Variants in SYNGR1 observed in about 807,000 individuals in gnomAD.
The protein encoded by SYNGR1 is synaptogyrin-1.
Under a neutral mutation model 26.1 loss-of-function variants are expected in SYNGR1, and 14 were observed. That is an observed-to-expected ratio of 0.54 (90% confidence interval 0.35 to 0.84). SYNGR1 has a LOEUF of 0.84. Among genes scored for constraint, SYNGR1 ranks in the 40% least tolerant of loss-of-function variants. The pLI, the probability that SYNGR1 is intolerant of heterozygous loss-of-function variation, is 0.01. For missense variants in SYNGR1, 319 were observed against 332.9 expected, an observed-to-expected ratio of 0.96 and a Z score of 0.33; for synonymous variants, 141 against 150.1, an observed-to-expected ratio of 0.94 and a Z score of 0.44.
At chr22:39,355,328 G>A (rs937172869) in intron 1 of SYNGR1, among the ~76,000 whole-genome samples, 5 of 152,238 alleles carry the variant, frequency 3.3e-5, no homozygotes, top group African/African-American at 1.2e-4. Flanking sequence ...CGTCCAGCCT[G>A]TCCTCTCCCA....
At chr22:39,369,077 C>G (rs1332889072) in intron 1 of SYNGR1, among the ~76,000 whole-genome samples, 1 of 152,200 alleles carries the variant, frequency 6.6e-6, no homozygotes, top group Non-Finnish European at 1.5e-5. Context: ...ATTGGCGGGT[C>G]TGTATGATTC....
Position 39,374,511 on chromosome 22 carries a change from A to G in SYNGR1, c.295A>G (p.Lys99Glu), listed in dbSNP as rs1258143310. ...GTACTTCCCGCAGATCAGCAGCGTC[A>G]AGGACCGCAAGAAAGCCGTCCTGTC... Reference protein sequence around the residue: ...DVYFPQISSVKDRKKAVLSDI... With the variant: ...DVYFPQISSVEDRKKAVLSDI... Residue 99 changes from lysine (K) to glutamate (E), a missense_variant, in exon 2 of 4, where the codon AAG becomes GAG. Transcript: ENST00000328933. 3.1e-6 allele frequency: 5 copies of G among 1,613,628 alleles called. No individual in the cohort carries two copies. In the South Asian group the frequency reaches 4.4e-5, roughly 14 times the overall value.
chr22:39,369,173 G>C (rs1268519287), intron 1 of SYNGR1, among the ~76,000 whole-genome samples: 2 of 152,150 alleles, frequency 1.3e-5, no homozygotes, highest in African/African-American at 4.8e-5. Context: ...TGGGCCTCAG[G>C]TTCCCAACCT....
Position 39,381,937 on chromosome 22 carries a change from G to C in SYNGR1, c.*23G>C. ...TGAGCCACAGTGACCGCCTGCCCCC[G>C]CCCCTCCCCATCTGTCCCCTCTCTC... On this transcript the variant is annotated 3_prime_UTR_variant, in exon 4 of 4. Coordinates refer to ENST00000328933, the MANE Select transcript of SYNGR1 (RefSeq NM_004711.5). The C allele has an allele frequency of 1.3e-6, 2 of 1,576,392 alleles. No individual in the cohort carries two copies. Among genetic ancestry groups the C allele is most frequent in the African/African-American group, 2.7e-5 (2 of 73,896 alleles).
rs1219197266 is a variant in SYNGR1 at position 39,376,185 on chromosome 22, C to T, written c.471C>T (p.Ser157=). 2 of 1,614,034 alleles carry T rather than the reference C, an allele frequency of 1.2e-6. No homozygotes were observed. The highest frequency in any genetic ancestry group is 1.7e-6 in the Non-Finnish European group (2 of 1,180,050). The change falls in exon 3 of 4, where the codon TCC becomes TCT. Residue 157 remains serine, a synonymous_variant. Transcript: ENST00000328933. ...ARAAIAFSFF[S]IFTWAGQAVL... ...CCGCCATCGCCTTCTCCTTTTTCTCCATCTTCACCTGGGTGAGTACAGCCA... is the reference window on the plus strand; with the variant it reads ...CCGCCATCGCCTTCTCCTTTTTCTCTATCTTCACCTGGGTGAGTACAGCCA...
chr22:39,364,878 C>A (rs739363), intron 1 of SYNGR1, among the ~76,000 whole-genome samples: 51,122 of 152,006 alleles, frequency 0.34, 10,540 homozygotes, highest in East Asian at 0.95. Flanking sequence ...ATTTGTTTTT[C>A]TGAGTTTGAC....
At chr22:39,352,699 G>C (rs147821068) in intron 1 of SYNGR1, among the ~76,000 whole-genome samples, 19 of 152,270 alleles carry the variant, frequency 1.2e-4, no homozygotes, top group Non-Finnish European at 2.6e-4. Flanking sequence ...AGGGTGACCC[G>C]TTTATCCTGG....
chr22:39,364,127 A>C, intron 1 of SYNGR1: 1 of 1,608,592 alleles, frequency 6.2e-7, no homozygotes, highest in Non-Finnish European at 8.5e-7. Flanking sequence ...CCCTCAAGTA[A>C]AGTGGGCCTG....
intron 1 of SYNGR1, among the ~76,000 whole-genome samples, chr22:39,363,019 G>A (rs371232580): frequency 6.6e-6 from 1 of 152,166 alleles, no homozygotes; most frequent in East Asian, 1.9e-4. Flanking sequence ...CTGGAGTCTG[G>A]TCTGGAGGGC....
intron 2 of SYNGR1, 118 bp downstream of exon 2, chr22:39,374,671 G>C (rs759459313): frequency 4.6e-5 from 50 of 1,096,994 alleles, no homozygotes; most frequent in Non-Finnish European, 2.7e-6. Context: ...GTGCAGGCGG[G>C]TGAAGGGATG....
chr22:39,372,075 G>T (rs11704158), intron 1 of SYNGR1, among the ~76,000 whole-genome samples: 13,311 of 151,514 alleles, frequency 0.088, 822 homozygotes, highest in South Asian at 0.13. Context: ...CACAGCATCA[G>T]GTAGGGCTGT....
chr22:39,361,391 C>T (rs1924465427), intron 1 of SYNGR1, among the ~76,000 whole-genome samples: 1 of 133,564 alleles, frequency 7.5e-6, no homozygotes, highest in Admixed American at 7.7e-5. Flanking sequence ...CAAAGTCTTA[C>T]TCTGTCACCT....
intron 1 of SYNGR1, among the ~76,000 whole-genome samples, chr22:39,363,646 C>T (rs1441392597): frequency 6.6e-6 from 1 of 152,024 alleles, no homozygotes; most frequent in Non-Finnish European, 1.5e-5. Flanking sequence ...TTATCTTCAG[C>T]CAGCGGAGGG....
rs532879139 is a variant in SYNGR1, at chr22:39,351,169, C to T, written c.99+1060C>T. Reference sequence around the variant, plus strand: ...AAACTCCCACTCGAGGTTCTGGCCTCTGCAGGCCTGGGGCCCGTTCCTTGT... The same window carrying T: ...AAACTCCCACTCGAGGTTCTGGCCTTTGCAGGCCTGGGGCCCGTTCCTTGT... On this transcript the variant is annotated intron_variant, in intron 1 of 3. Coordinates refer to ENST00000328933, the MANE Select transcript of SYNGR1 (RefSeq NM_004711.5). Among the ~76,000 whole-genome samples, 11 of 152,326 alleles carry T rather than the reference C, an allele frequency of 7.2e-5. No individual in the cohort carries two copies. The East Asian group carries it at 2.1e-3, about 29-fold the overall frequency.
Position 39,384,572 on chromosome 22 carries a change from G to A in SYNGR1, c.*2658G>A. The A allele has an allele frequency of 2.5e-6, 1 of 398,860 alleles. No individual in the cohort carries two copies. Among genetic ancestry groups the A allele is most frequent in the Non-Finnish European group, 4.4e-6 (1 of 226,100 alleles). The allele number at this position is 398,860 out of a possible 1,614,324, so 24.7% of individuals were successfully genotyped here. A position where few individuals can be genotyped will look rare whatever the true frequency, so the allele number is the denominator to read the frequency against. Reference sequence around the variant, plus strand: ...AGGGCTCCTGACTCTGCCCTGGAAGGTTCATGGGGAAACTCGCTCCTTCTG... The same window carrying A: ...AGGGCTCCTGACTCTGCCCTGGAAGATTCATGGGGAAACTCGCTCCTTCTG... On this transcript the variant is annotated 3_prime_UTR_variant, in exon 4 of 4. Coordinates refer to ENST00000328933, the MANE Select transcript of SYNGR1 (RefSeq NM_004711.5).
At chr22:39,366,315 G>A (rs1056038096) in intron 1 of SYNGR1, among the ~76,000 whole-genome samples, 6 of 151,000 alleles carry the variant, frequency 4.0e-5, no homozygotes, top group Non-Finnish European at 7.4e-5. Flanking sequence ...CACTCCCTAC[G>A]TCGGCTGTGT....
At chr22:39,361,453 G>A (rs1209141896) in intron 1 of SYNGR1, among the ~76,000 whole-genome samples, 1 of 151,454 alleles carries the variant, frequency 6.6e-6, no homozygotes, top group Non-Finnish European at 1.5e-5. Flanking sequence ...CCACAATCGG[G>A]GTCAACCGAT....
chr22:39,367,248 TGAAC>T (rs1359835322), intron 1 of SYNGR1, among the ~76,000 whole-genome samples: 3 of 152,090 alleles, frequency 2.0e-5, no homozygotes, highest in South Asian at 2.1e-4. Context: ...AAATGTTGAG[TGAAC>T]GAACGGCTGA....
intron 1 of SYNGR1, among the ~76,000 whole-genome samples, chr22:39,366,385 C>T (rs900999152): frequency 1.3e-5 from 2 of 151,876 alleles, no homozygotes; most frequent in African/African-American, 4.8e-5. Flanking sequence ...GTGGCTCACG[C>T]TTGTAATCCC....
Sources: gnomAD v4.1 joint callset for allele counts (sites outside exome capture counted in the v4.1 genomes callset) on GRCh38, gnomAD v4.1.1 for gene constraint, MANE v1.5 for transcripts, NCBI Gene and HGNC (gene_info 2026-07-23, HGNC 2026-07-21) for gene names.